CCSER1: variants seen among roughly 807,000 people sequenced by gnomAD.
The protein encoded by CCSER1 is coiled-coil serine rich protein 1.
CCSER1 carries 41 observed loss-of-function variants against 82.0 expected under a neutral mutation model. The observed-to-expected ratio is 0.50, with a 90% CI of 0.39 to 0.65. The LOEUF (loss-of-function observed/expected upper bound fraction) is 0.65. Ranked by LOEUF, CCSER1 falls within the 30% of genes least tolerant of loss-of-function variation. The pLI, the probability that CCSER1 is intolerant of heterozygous loss-of-function variation, is 0.00. For synonymous variants in CCSER1, 414 were observed against 383.9 expected, an observed-to-expected ratio of 1.08 and a Z score of -0.92; for missense variants, 1,119 against 1,064.2, an observed-to-expected ratio of 1.05 and a Z score of -0.72.
chr4:90,303,386 C>T (rs1011297833), intron 1 of CCSER1, among the ~76,000 whole-genome samples: 2 of 152,072 alleles, frequency 1.3e-5, no homozygotes, highest in Non-Finnish European at 2.9e-5. Flanking sequence ...CATCACACTA[C>T]CTGACTTCAA....
intron 5 of CCSER1, among the ~76,000 whole-genome samples, chr4:90,476,335 C>G (rs1314574625): frequency 6.6e-6 from 1 of 152,134 alleles, no homozygotes; most frequent in Non-Finnish European, 1.5e-5. Flanking sequence ...GGCCCTAGGT[C>G]CTACCCTCTG....
intron 8 of CCSER1, among the ~76,000 whole-genome samples, chr4:90,842,601 C>T (rs1170663474): frequency 2.6e-5 from 4 of 152,130 alleles, no homozygotes; most frequent in Non-Finnish European, 5.9e-5. Context: ...TAGTAATTGA[C>T]CTGACATGTC....
chr4:90,258,817 A>C (rs1723803067), intron 1 of CCSER1, among the ~76,000 whole-genome samples: 1 of 152,116 alleles, frequency 6.6e-6, no homozygotes, highest in Non-Finnish European at 1.5e-5. Flanking sequence ...AGCAGTGTAC[A>C]CTGTATCAAA....
intron 5 of CCSER1, among the ~76,000 whole-genome samples, chr4:90,471,881 G>A (rs868481489): frequency 1.3e-5 from 2 of 151,980 alleles, no homozygotes; most frequent in Admixed American, 6.6e-5. Flanking sequence ...CAAGGCTGAG[G>A]CAGGAGAACC....
At chr4:90,917,770 A>G (rs1241891690) in intron 8 of CCSER1, among the ~76,000 whole-genome samples, 3 of 152,162 alleles carry the variant, frequency 2.0e-5, no homozygotes, top group Admixed American at 1.3e-4. Context: ...CCCTTACAAG[A>G]TGATGGTCAA....
At position 91,398,466 on chromosome 4, in the gene CCSER1, A is replaced by G. The variant is rs528618911; in HGVS notation, c.2218-200106A>G. ...AAGTTAAATAGTTTTAAGCTGTGAAAAGCATCCACAAGCAATGGTGATGGT... is the reference window on the plus strand; with the variant it reads ...AAGTTAAATAGTTTTAAGCTGTGAAGAGCATCCACAAGCAATGGTGATGGT... On this transcript the variant is annotated intron_variant, in intron 10 of 10. Coordinates refer to ENST00000509176, the MANE Select transcript of CCSER1 (RefSeq NM_001145065.2). Among the ~76,000 whole-genome samples, 9 of 152,026 alleles carry G rather than the reference A, an allele frequency of 5.9e-5. No individual in the cohort carries two copies. The South Asian group carries it at 1.2e-3, about 21-fold the overall frequency.
At chr4:90,822,572 C>G (rs1318979451) in intron 8 of CCSER1, among the ~76,000 whole-genome samples, 1 of 151,784 alleles carries the variant, frequency 6.6e-6, no homozygotes, top group Non-Finnish European at 1.5e-5. Context: ...ACTAAAAATA[C>G]AAAACATTAG....
chr4:90,312,449 G>T (rs191888302), intron 2 of CCSER1, among the ~76,000 whole-genome samples: 1 of 152,282 alleles, frequency 6.6e-6, no homozygotes, highest in East Asian at 1.9e-4. Context: ...TATGATTCTG[G>T]CTACTATGTG....
At chr4:90,129,548 G>T (rs1309228721) in intron 1 of CCSER1, among the ~76,000 whole-genome samples, 1 of 152,134 alleles carries the variant, frequency 6.6e-6, no homozygotes, top group Non-Finnish European at 1.5e-5. Context: ...AGCCTGCCAA[G>T]ACAATGTTTT....
intron 9 of CCSER1, among the ~76,000 whole-genome samples, chr4:90,934,911 A>G (rs1042354601): frequency 1.3e-5 from 2 of 152,104 alleles, no homozygotes; most frequent in Non-Finnish European, 2.9e-5. Context: ...AGCCTGGGCA[A>G]CAAGAGTGAA....
chr4:91,209,736 T>C (rs924169067), intron 10 of CCSER1, among the ~76,000 whole-genome samples: 1 of 151,890 alleles, frequency 6.6e-6, no homozygotes, highest in African/African-American at 2.4e-5. Flanking sequence ...TAGAATGAAT[T>C]GGGGAGGAGT....
At chr4:90,395,804 A>C (rs2153541577) in intron 3 of CCSER1, among the ~76,000 whole-genome samples, 1 of 151,362 alleles carries the variant, frequency 6.6e-6, no homozygotes, top group Admixed American at 6.6e-5. Flanking sequence ...CATTATTAAA[A>C]CCTTCATGCC....
intron 6 of CCSER1, among the ~76,000 whole-genome samples, chr4:90,668,789 A>G (rs1732264588): frequency 6.6e-6 from 1 of 152,096 alleles, no homozygotes; most frequent in Non-Finnish European, 1.5e-5. Context: ...AATTAATACT[A>G]TCACTTTGGC....
At chr4:91,105,161 C>T (rs988033107) in intron 10 of CCSER1, among the ~76,000 whole-genome samples, 3 of 152,076 alleles carry the variant, frequency 2.0e-5, no homozygotes, top group Non-Finnish European at 2.9e-5. Context: ...TTTTCTGTGT[C>T]AGATAATTAT....
intron 6 of CCSER1, among the ~76,000 whole-genome samples, chr4:90,662,631 A>G (rs1001950980): frequency 1.3e-5 from 2 of 152,114 alleles, no homozygotes; most frequent in Non-Finnish European, 2.9e-5. Context: ...ACATTGTACA[A>G]TATCTTAACT....
intron 5 of CCSER1, among the ~76,000 whole-genome samples, chr4:90,551,702 C>CTATATATATA (rs1279660129): frequency 3.5e-5 from 4 of 114,006 alleles, no homozygotes; most frequent in East Asian, 5.1e-4. Flanking sequence ...CTCTCTCTCT[C>CTATATATATA]TCTCTATATA....
intron 10 of CCSER1, among the ~76,000 whole-genome samples, chr4:91,389,772 C>T (rs1751535273): frequency 6.6e-6 from 1 of 151,704 alleles, no homozygotes; most frequent in African/African-American, 2.4e-5. Flanking sequence ...TTATAGTTTG[C>T]CTCATGTAAA....
intron 10 of CCSER1, among the ~76,000 whole-genome samples, chr4:91,383,099 AC>A (rs1751039268): frequency 6.6e-6 from 1 of 152,134 alleles, no homozygotes; most frequent in Non-Finnish European, 1.5e-5. Context: ...CATAAACATA[AC>A]TTTTACATTC....
chr4:90,932,988 GAAAGAAAGAAAGAAAGAA>G (rs1730257942), intron 9 of CCSER1, among the ~76,000 whole-genome samples: 1 of 32,796 alleles, frequency 3.0e-5, no homozygotes, highest in Non-Finnish European at 5.7e-5. Context: ...GAAAGAGAAA[GAAAGAAAGAAAGAAAGAA>G]AGAAAGAAAG....
Sources: allele counts gnomAD v4.1 joint callset (sites outside exome capture counted in the v4.1 genomes callset), GRCh38; gene constraint gnomAD v4.1.1; transcripts MANE v1.5; gene names NCBI Gene and HGNC (gene_info 2026-07-23, HGNC 2026-07-21).